The following UPRT variants were observed in gnomAD, a reference collection of about 807,000 sequenced individuals.
UPRT encodes RP11-311P8.3.
A neutral mutation model predicts 22.6 loss-of-function variants in UPRT; 5 were observed. That is an observed-to-expected ratio of 0.22 (90% CI 0.12 to 0.47). The LOEUF (loss-of-function observed/expected upper bound fraction) is 0.47. Ranked by LOEUF, UPRT falls within the 20% of genes least tolerant of loss-of-function variation. The pLI, the probability that UPRT is intolerant of heterozygous loss-of-function variation, is 0.99. For synonymous variants in UPRT, 77 were observed against 87.7 expected, an observed-to-expected ratio of 0.88 and a Z score of 0.68; for missense variants, 181 against 239.9, an observed-to-expected ratio of 0.75 and a Z score of 1.62.
Position 75,210,008 on chromosome X carries a change from G to C in UPRT, c.-447+42129G>C, listed in dbSNP as rs566005731. ...TTCGGATGTGTGGGGCTGACTGGGA[G>C]ATGAAGTATAAATGAAGGTAGATTC... is the stretch of plus-strand genomic sequence containing the variant. On this transcript the variant is annotated intron_variant, in intron 4 of 13. Coordinates refer to the UPRT transcript ENST00000652605. Among the ~76,000 whole-genome samples the C allele has an allele frequency of 2.9e-4, 33 of 112,225 alleles. No homozygotes were observed. The South Asian group carries it at 0.012, about 39-fold the overall frequency.
At chrX:75,275,131 A>G (rs1443423979) in intron 1 of UPRT, among the ~76,000 whole-genome samples, 2 of 111,560 alleles carry the variant, frequency 1.8e-5, no homozygotes, top group African/African-American at 6.5e-5. Flanking sequence ...GCTACTGCAA[A>G]CAAGGTCTTT....
intron 1 of UPRT, among the ~76,000 whole-genome samples, chrX:75,284,466 G>T (rs1433773860): frequency 8.9e-6 from 1 of 111,819 alleles, no homozygotes; most frequent in Non-Finnish European, 1.9e-5. Flanking sequence ...CTGTTGTTCA[G>T]ATTCTTTTGT....
chrX:75,230,717 C>A (rs1328387909), intron 4 of UPRT, among the ~76,000 whole-genome samples: 1 of 111,873 alleles, frequency 8.9e-6, no homozygotes, highest in Non-Finnish European at 1.9e-5. Flanking sequence ...CTGCCACTTC[C>A]ACTGGAGCAG....
At chrX:75,176,213 T>G (rs1390393243) in intron 4 of UPRT, among the ~76,000 whole-genome samples, 1 of 111,121 alleles carries the variant, frequency 9.0e-6, no homozygotes, top group Non-Finnish European at 1.9e-5. Flanking sequence ...ACAACTCCAG[T>G]CCCCATGATC....
chrX:75,214,290 A>G (rs1326332369), intron 4 of UPRT, among the ~76,000 whole-genome samples: 2 of 112,936 alleles, frequency 1.8e-5, no homozygotes, highest in Non-Finnish European at 3.7e-5. Context: ...AAGAAAATGT[A>G]GTATACACAT....
At chrX:75,234,518 T>C (rs769547699) in intron 4 of UPRT, among the ~76,000 whole-genome samples, 6 of 111,426 alleles carry the variant, frequency 5.4e-5, no homozygotes, top group Non-Finnish European at 1.1e-4. Flanking sequence ...TATTCCAAAA[T>C]TGACCACATA....
chrX:75,303,534 CTT>C lies in UPRT; in HGVS notation c.*24_*25del, dbSNP rs748590600. 15 of 1,049,217 alleles carry C rather than the reference CTT, an allele frequency of 1.4e-5. No homozygotes were observed. In the East Asian group the frequency reaches 4.4e-4, roughly 31 times the overall value. 86.5% of individuals were successfully genotyped at this position (1,049,217 alleles called of 1,213,427 possible). On this transcript the variant is annotated 3_prime_UTR_variant, in exon 7 of 7. Coordinates refer to ENST00000373383, the MANE Select transcript of UPRT (RefSeq NM_145052.4). Reference sequence around the variant, plus strand: ...TAAGTTATTTAAGTAAAATAATTATCTTATGTAATATTACAATCATGTTTTGA... The same window carrying C: ...TAAGTTATTTAAGTAAAATAATTATCATGTAATATTACAATCATGTTTTGA...
chrX:75,159,239 T>C (rs2082191867), intron 1 of UPRT, among the ~76,000 whole-genome samples: 1 of 112,184 alleles, frequency 8.9e-6, no homozygotes, highest in South Asian at 3.7e-4. Context: ...ACCTGGCTTA[T>C]TTCACTTAGC....
chrX:75,219,256 C>G (rs990768328), intron 4 of UPRT, among the ~76,000 whole-genome samples: 2 of 111,479 alleles, frequency 1.8e-5, no homozygotes, highest in Non-Finnish European at 3.8e-5. Flanking sequence ...CTCGGAAAGA[C>G]AAAGTAATTG....
At chrX:75,219,502 C>G (rs1231356769) in intron 4 of UPRT, among the ~76,000 whole-genome samples, 1 of 111,450 alleles carries the variant, frequency 9.0e-6, no homozygotes, top group African/African-American at 3.3e-5. Flanking sequence ...TGTTGTAATT[C>G]TAAACTATGG....
chrX:75,238,309 C>T (rs1285880787), intron 4 of UPRT, among the ~76,000 whole-genome samples: 1 of 110,856 alleles, frequency 9.0e-6, no homozygotes, highest in African/African-American at 3.3e-5. Context: ...AAATAGACAC[C>T]CACAGCAAGC....
chrX:75,250,154 G>A (rs2082523359), intron 4 of UPRT, among the ~76,000 whole-genome samples: 1 of 110,875 alleles, frequency 9.0e-6, no homozygotes, highest in Non-Finnish European at 1.9e-5. Context: ...AAGAGAACTA[G>A]AGAAGCAAGA....
chrX:75,198,442 A>G (rs1467389830), intron 4 of UPRT, among the ~76,000 whole-genome samples: 1 of 112,370 alleles, frequency 8.9e-6, no homozygotes, highest in Non-Finnish European at 1.9e-5. Flanking sequence ...CTATGAAAGT[A>G]ATAATCAAAT....
chrX:75,298,137 C>T (rs988769682), intron 4 of UPRT, among the ~76,000 whole-genome samples: 7 of 108,457 alleles, frequency 6.5e-5, no homozygotes, highest in Non-Finnish European at 1.3e-4. Context: ...TGCCACTATA[C>T]CTAGCAAATT....
At chrX:75,183,996 T>G (rs1261814701) in intron 4 of UPRT, among the ~76,000 whole-genome samples, 1 of 112,370 alleles carries the variant, frequency 8.9e-6, no homozygotes, top group Non-Finnish European at 1.9e-5. Flanking sequence ...TGATGGTAGT[T>G]TCTTTTGCTG....
intron 4 of UPRT, among the ~76,000 whole-genome samples, chrX:75,235,229 T>C (rs1569270946): frequency 9.0e-6 from 1 of 111,463 alleles, no homozygotes; most frequent in African/African-American, 3.3e-5. Flanking sequence ...CTCCCAAGAC[T>C]AAACCAGGAA....
At chrX:75,282,786 TC>T (rs1346893040) in intron 1 of UPRT, among the ~76,000 whole-genome samples, 1 of 111,682 alleles carries the variant, frequency 9.0e-6, no homozygotes, top group African/African-American at 3.3e-5. Context: ...ATCTGTTAAG[TC>T]AATTTGTTCC....
At chrX:75,289,061 C>T (rs1391136219) in intron 1 of UPRT, among the ~76,000 whole-genome samples, 1 of 110,746 alleles carries the variant, frequency 9.0e-6, no homozygotes, top group Non-Finnish European at 1.9e-5. Context: ...AGCTGAGAGC[C>T]AAATCAAGAA....
At chrX:75,236,090 T>G (rs1031873030) in intron 4 of UPRT, among the ~76,000 whole-genome samples, 1 of 111,414 alleles carries the variant, frequency 9.0e-6, no homozygotes, top group East Asian at 2.8e-4. Context: ...GATAAGCAAC[T>G]TCAGCAATGT....
Sources: gnomAD v4.1 joint callset for allele counts (sites outside exome capture counted in the v4.1 genomes callset) on GRCh38, gnomAD v4.1.1 for gene constraint, MANE v1.5 for transcripts, NCBI Gene and HGNC (gene_info 2026-07-23, HGNC 2026-07-21) for gene names.